Variants in CSMD1 observed in about 807,000 individuals in gnomAD.
CSMD1 encodes CUB and Sushi multiple domains 1, also known as CUB and sushi domain-containing protein 1.
In CSMD1, 213 loss-of-function variants were observed where a neutral mutation model predicts 417.5. The ratio of observed to expected loss-of-function variants is 0.51; its 90% confidence interval spans 0.46 to 0.57. The LOEUF is 0.57. Ranked by LOEUF, CSMD1 falls within the 20% of genes least tolerant of loss-of-function variation. The pLI is 0.00. For missense variants in CSMD1, 6,923 were observed against 4,529.7 expected, an observed-to-expected ratio of 1.53 and a Z score of -15.17; for synonymous variants, 2,862 against 1,736.8, an observed-to-expected ratio of 1.65 and a Z score of -16.11.
intron 5 of CSMD1, among the ~76,000 whole-genome samples, chr8:3,903,531 C>T (rs552926888): frequency 5.3e-5 from 8 of 152,238 alleles, no homozygotes; most frequent in African/African-American, 1.9e-4. Flanking sequence ...CAGTAATTGC[C>T]GGCATTTTGT....
intron 3 of CSMD1, among the ~76,000 whole-genome samples, chr8:4,172,323 A>G (rs1372366668): frequency 6.6e-6 from 1 of 152,196 alleles, no homozygotes; most frequent in Admixed American, 6.5e-5. Context: ...CTACCGAGAT[A>G]TGACTAGTGT....
intron 3 of CSMD1, among the ~76,000 whole-genome samples, chr8:4,065,029 T>C (rs912706008): frequency 6.6e-6 from 1 of 152,180 alleles, no homozygotes; most frequent in Non-Finnish European, 1.5e-5. Flanking sequence ...TTAAAAAAAA[T>C]CTGAAATGAT....
intron 1 of CSMD1, among the ~76,000 whole-genome samples, chr8:4,955,206 C>A (rs1015338252): frequency 6.6e-6 from 1 of 152,124 alleles, no homozygotes; most frequent in East Asian, 1.9e-4. Flanking sequence ...TCTACCCATT[C>A]GTGTGCACAG....
intron 2 of CSMD1, among the ~76,000 whole-genome samples, chr8:4,430,839 C>G (rs959923398): frequency 6.6e-6 from 1 of 152,138 alleles, no homozygotes; most frequent in African/African-American, 2.4e-5. Context: ...AAATACTTCA[C>G]TCCAGTGTTG....
intron 21 of CSMD1, among the ~76,000 whole-genome samples, chr8:3,349,862 TATAA>T (rs1009527462): frequency 6.4e-5 from 7 of 109,500 alleles, no homozygotes; most frequent in African/African-American, 1.8e-4. Flanking sequence ...TATATAATTA[TATAA>T]ATATATTTAT....
intron 3 of CSMD1, among the ~76,000 whole-genome samples, chr8:4,179,577 T>C (rs140559484): frequency 0.034 from 5,197 of 151,196 alleles, 313 homozygotes; most frequent in African/African-American, 0.12. Flanking sequence ...AATTGACAAA[T>C]GGAATCTAAT....
chr8:4,481,709 CAT>C (rs778083520), intron 2 of CSMD1, among the ~76,000 whole-genome samples: 3 of 152,126 alleles, frequency 2.0e-5, no homozygotes, highest in African/African-American at 4.8e-5. Context: ...TGGTTTGTTC[CAT>C]ATATTAGACT....
At chr8:3,738,227 G>C (rs1477871973) in intron 6 of CSMD1, among the ~76,000 whole-genome samples, 1 of 152,150 alleles carries the variant, frequency 6.6e-6, no homozygotes, top group Non-Finnish European at 1.5e-5. Flanking sequence ...TGAATTTTAT[G>C]CTACTTAAAA....
intron 4 of CSMD1, among the ~76,000 whole-genome samples, chr8:4,015,876 A>T (rs534984437): frequency 2.4e-4 from 37 of 152,240 alleles, no homozygotes; most frequent in African/African-American, 7.7e-4. Flanking sequence ...TATGGTTTAC[A>T]TCTCATGCTT....
At chr8:2,956,130 A>G (rs1404505964) in intron 63 of CSMD1, among the ~76,000 whole-genome samples, 5 of 152,126 alleles carry the variant, frequency 3.3e-5, no homozygotes, top group African/African-American at 1.2e-4. Flanking sequence ...ACCGAAATAA[A>G]TATGTTAAAG....
intron 3 of CSMD1, among the ~76,000 whole-genome samples, chr8:4,147,369 G>T (rs556995129): frequency 4.3e-4 from 65 of 152,100 alleles, no homozygotes; most frequent in African/African-American, 1.6e-3. Flanking sequence ...AGTCCTCAGT[G>T]GCTGTGCTCT....
intron 10 of CSMD1, among the ~76,000 whole-genome samples, chr8:3,557,939 C>A (rs1338016514): frequency 1.3e-5 from 2 of 152,116 alleles, no homozygotes; most frequent in Non-Finnish European, 1.5e-5. Context: ...TGTTGGTTTG[C>A]AAAAACATTG....
intron 3 of CSMD1, among the ~76,000 whole-genome samples, chr8:4,138,645 T>G (rs13249015): frequency 0.3 from 44,952 of 151,920 alleles, 8,074 homozygotes; most frequent in Non-Finnish European, 0.39. Context: ...TCTCTTAAGG[T>G]TGACTTTTCA....
At chr8:3,332,796 C>A (rs1806991859) in intron 23 of CSMD1, among the ~76,000 whole-genome samples, 1 of 152,208 alleles carries the variant, frequency 6.6e-6, no homozygotes, top group African/African-American at 2.4e-5. Context: ...GATGCCCTCA[C>A]CTCCTGCTGC....
chr8:3,638,847 C>T (rs181948935), intron 7 of CSMD1, among the ~76,000 whole-genome samples: 2 of 151,982 alleles, frequency 1.3e-5, no homozygotes, highest in Non-Finnish European at 1.5e-5. Flanking sequence ...AGGAAGATAC[C>T]CTGGAATATA....
At chr8:4,834,506 G>C (rs778744867) in intron 1 of CSMD1, among the ~76,000 whole-genome samples, 1 of 152,158 alleles carries the variant, frequency 6.6e-6, no homozygotes, top group Non-Finnish European at 1.5e-5. Context: ...TGAGTTGTAA[G>C]GGATCAACAC....
At chr8:4,745,368 G>A (rs1362045946) in intron 1 of CSMD1, among the ~76,000 whole-genome samples, 2 of 152,122 alleles carry the variant, frequency 1.3e-5, no homozygotes, top group African/African-American at 4.8e-5. Context: ...AAATGATTTA[G>A]TAACAGCACC....
At position 3,142,486 on chromosome 8, in the gene CSMD1, C is replaced by G; in HGVS notation, c.6220G>C (p.Gly2074Arg). 1 of 1,613,708 alleles carries G rather than the reference C, an allele frequency of 6.2e-7. No individual in the cohort carries two copies. Among genetic ancestry groups the G allele is most frequent in the Non-Finnish European group, 8.5e-7 (1 of 1,179,734 alleles). ...FYSDHSQNRQGFKLAYQAYEL... is the reference protein window; with the variant it reads ...FYSDHSQNRQRFKLAYQAYEL... The stretch of plus-strand genomic sequence containing the variant: ...ATACCTTGGTAAGCAAGTTTAAATC[C>G]TTGCCGGTTTTGCGAATGGTCACTA... Residue 2074 changes from glycine (G) to arginine (R), a missense_variant, in exon 41 of 70, where the codon GGA (glycine) becomes CGA (arginine). Gly to Arg is a moderately radical substitution (Grantham distance 125). Coordinates refer to ENST00000635120, the MANE Select transcript of CSMD1 (RefSeq NM_033225.6).
intron 2 of CSMD1, among the ~76,000 whole-genome samples, chr8:4,475,057 TG>T (rs1448381604): frequency 6.6e-6 from 1 of 152,218 alleles, no homozygotes; most frequent in East Asian, 1.9e-4. Flanking sequence ...CTAACCTCTG[TG>T]TTATTCAAGG....
Sources: allele counts gnomAD v4.1 joint callset (sites outside exome capture counted in the v4.1 genomes callset), GRCh38; gene constraint gnomAD v4.1.1; transcripts MANE v1.5; gene names NCBI Gene and HGNC (gene_info 2026-07-23, HGNC 2026-07-21).